The following NOL4 variants were observed in gnomAD, a reference collection of about 807,000 sequenced individuals.
NOL4 encodes cancer/testis antigen 125.
In NOL4, 17 loss-of-function variants were observed where a neutral mutation model predicts 75.9. That is an observed-to-expected ratio of 0.22 (90% CI 0.15 to 0.34). The LOEUF (loss-of-function observed/expected upper bound fraction) is 0.34, where lower values mean the gene tolerates loss of function less well. Among genes scored for constraint, NOL4 ranks in the 10% least tolerant of loss-of-function variants. The pLI, the probability that NOL4 is intolerant of heterozygous loss-of-function variation, is 1.00. For synonymous variants in NOL4, 292 were observed against 289.9 expected (o/e 1.01, Z -0.07); for missense variants, 614 against 793.5 (o/e 0.77, Z 2.72).
At chr18:34,203,717 T>TCTCTCA (rs1261546835) in intron 1 of NOL4, among the ~76,000 whole-genome samples, 268 of 72,282 alleles carry the variant, frequency 3.7e-3, no homozygotes, top group African/African-American at 6.3e-3. Flanking sequence ...TCTCTCTCTC[T>TCTCTCA]CACACACACA....
chr18:34,046,124 A>G (rs957659274), intron 5 of NOL4, among the ~76,000 whole-genome samples: 3 of 152,116 alleles, frequency 2.0e-5, no homozygotes, highest in Non-Finnish European at 2.9e-5. Flanking sequence ...GCAAAAATTC[A>G]GACCATTTCC....
At chr18:34,005,612 C>T (rs1337474380) in intron 6 of NOL4, among the ~76,000 whole-genome samples, 1 of 152,058 alleles carries the variant, frequency 6.6e-6, no homozygotes, top group African/African-American at 2.4e-5. Context: ...GGCTCTTACG[C>T]CTGTCCTCTG....
At chr18:33,948,914 C>T (rs1021552210) in intron 8 of NOL4, among the ~76,000 whole-genome samples, 2 of 151,898 alleles carry the variant, frequency 1.3e-5, no homozygotes, top group African/African-American at 2.4e-5. Context: ...AGACTCACAA[C>T]CTTTTGTAAT....
intron 6 of NOL4, among the ~76,000 whole-genome samples, chr18:33,982,918 T>C (rs1045602857): frequency 6.6e-6 from 1 of 151,894 alleles, no homozygotes; most frequent in Non-Finnish European, 1.5e-5. Flanking sequence ...ACGTGGCTAA[T>C]ATTTTATATT....
chr18:33,909,168 G>T (rs1041692063), intron 9 of NOL4, among the ~76,000 whole-genome samples: 2 of 152,106 alleles, frequency 1.3e-5, no homozygotes, highest in Non-Finnish European at 2.9e-5. Flanking sequence ...TTGGAAAGTA[G>T]TGGTTTTATC....
In NOL4 at chr18:34,223,316, C is replaced by A; in HGVS notation, c.-63G>T. ...GCACTTCGCACCTGTTCACCCTAGG[C>A]TCATGAAAAATGCAGCCCCGGCCAC... On this transcript the variant is annotated 5_prime_UTR_variant, in exon 1 of 11. Coordinates refer to ENST00000261592, the MANE Select transcript of NOL4 (RefSeq NM_003787.5). The A allele has an allele frequency of 6.4e-7, 1 of 1,568,854 alleles. No individual in the cohort carries two copies. The highest frequency in any genetic ancestry group is 1.8e-5 in the Admixed American group (1 of 56,316).
At chr18:34,165,495 G>A (rs1260816054) in intron 1 of NOL4, among the ~76,000 whole-genome samples, 1 of 152,174 alleles carries the variant, frequency 6.6e-6, no homozygotes, top group Non-Finnish European at 1.5e-5. Context: ...AGTGGGTATT[G>A]CATGCTTTCC....
chr18:33,989,768 A>G (rs1251903194), intron 6 of NOL4, among the ~76,000 whole-genome samples: 2 of 152,110 alleles, frequency 1.3e-5, no homozygotes, highest in Non-Finnish European at 2.9e-5. Context: ...ATGTCTGACA[A>G]AATAAAAGGT....
At chr18:33,985,351 C>T (rs2072345514) in intron 6 of NOL4, among the ~76,000 whole-genome samples, 2 of 152,030 alleles carry the variant, frequency 1.3e-5, no homozygotes, top group African/African-American at 2.4e-5. Context: ...GAAATAAAAC[C>T]TTGATAGGCA....
intron 1 of NOL4, among the ~76,000 whole-genome samples, chr18:34,219,092 T>C (rs535115020): frequency 2.0e-5 from 3 of 150,972 alleles, no homozygotes; most frequent in South Asian, 4.2e-4. Context: ...AATCTGAGGC[T>C]ACAGATTGCA....
intron 6 of NOL4, among the ~76,000 whole-genome samples, chr18:33,986,404 A>G (rs374307440): frequency 6.6e-6 from 1 of 152,122 alleles, no homozygotes; most frequent in African/African-American, 2.4e-5. Flanking sequence ...TGAACTTTTT[A>G]TAAAAACACA....
chr18:33,951,629 T>C (rs1181709183), intron 8 of NOL4, among the ~76,000 whole-genome samples: 1 of 152,172 alleles, frequency 6.6e-6, no homozygotes, highest in African/African-American at 2.4e-5. Context: ...TCCATCTTCA[T>C]TTCTTTTTCA....
intron 6 of NOL4, among the ~76,000 whole-genome samples, chr18:34,011,643 TAAAAAAC>T (rs751614566): frequency 1.0e-4 from 15 of 149,808 alleles, no homozygotes; most frequent in Non-Finnish European, 1.8e-4. Flanking sequence ...AAGCAAAAAA[TAAAAAAC>T]AAAAAACAGA....
At chr18:34,108,986 A>T (rs1229176228) in intron 2 of NOL4, among the ~76,000 whole-genome samples, 3 of 152,186 alleles carry the variant, frequency 2.0e-5, no homozygotes, top group African/African-American at 4.8e-5. Context: ...CTGAAAACAT[A>T]TGAAAAATCT....
intron 10 of NOL4, among the ~76,000 whole-genome samples, chr18:33,872,140 A>G (rs1329749480): frequency 6.6e-6 from 1 of 152,038 alleles, no homozygotes; most frequent in Non-Finnish European, 1.5e-5. Flanking sequence ...GGAAATCTGG[A>G]AACAAAGAAT....
At chr18:33,860,296 C>T (rs545319823) in intron 10 of NOL4, among the ~76,000 whole-genome samples, 1 of 152,058 alleles carries the variant, frequency 6.6e-6, no homozygotes, top group African/African-American at 2.4e-5. Context: ...CTACCTCCCC[C>T]CAAATCTCAC....
chr18:34,045,550 T>G (rs1389573398), intron 5 of NOL4, among the ~76,000 whole-genome samples: 1 of 152,136 alleles, frequency 6.6e-6, no homozygotes, highest in Non-Finnish European at 1.5e-5. Flanking sequence ...ACAGTCTAAT[T>G]TCAACAACTG....
intron 1 of NOL4, among the ~76,000 whole-genome samples, chr18:34,137,642 G>A (rs1448433630): frequency 6.6e-6 from 1 of 152,058 alleles, no homozygotes; most frequent in East Asian, 1.9e-4. Context: ...CAAGGATCTG[G>A]AAAAACTGGA....
intron 1 of NOL4, among the ~76,000 whole-genome samples, chr18:34,163,345 C>T (rs9944701): frequency 0.29 from 43,875 of 149,194 alleles, 6,664 homozygotes; most frequent in East Asian, 0.43. Flanking sequence ...GAAAACCCCA[C>T]TGTCTCAGCC....
Sources: gnomAD v4.1 joint callset for allele counts (sites outside exome capture counted in the v4.1 genomes callset) on GRCh38, gnomAD v4.1.1 for gene constraint, MANE v1.5 for transcripts, NCBI Gene and HGNC (gene_info 2026-07-23, HGNC 2026-07-21) for gene names.